ANKFY1: variants seen among roughly 807,000 people sequenced by gnomAD.
ANKFY1 encodes ankyrin repeat and FYVE domain-containing protein 1.
A neutral mutation model predicts 128.3 loss-of-function variants in ANKFY1; 47 were observed. The observed-to-expected ratio is 0.37, with a 90% CI of 0.29 to 0.47. The LOEUF (loss-of-function observed/expected upper bound fraction) is 0.47. ANKFY1 is among the 20% of genes least tolerant of loss of function. The pLI is 1.00. For missense variants in ANKFY1, 1,222 were observed against 1,510.6 expected (o/e 0.81, Z 3.17); for synonymous variants, 553 against 601.6 (o/e 0.92, Z 1.18).
Position 4,195,487 on chromosome 17 carries a change from GAA to G in ANKFY1, c.1104-18_1104-17del, listed in dbSNP as rs760010366. 2.2e-5 allele frequency: 35 copies of G among 1,612,258 alleles called. No homozygotes were observed. The highest frequency in any genetic ancestry group is 2.5e-5 in the Non-Finnish European group (30 of 1,178,486). On this transcript the variant is annotated splice_polypyrimidine_tract_variant and intron_variant, in intron 8 of 24. Coordinates refer to ENST00000341657, the MANE Select transcript of ANKFY1 (RefSeq NM_001330063.2). ...TAAAGGAGTCCTGCGGGATCCAAAA[GAA>G]GAGGGGTCAGTTCAGGACAGGCCTG...
chr17:4,242,018 A>G (rs1361408889), intron 2 of ANKFY1, among the ~76,000 whole-genome samples: 1 of 151,582 alleles, frequency 6.6e-6, no homozygotes, highest in Non-Finnish European at 1.5e-5. Flanking sequence ...GAACCTGGGA[A>G]GCAGAGGCTG....
At chr17:4,177,445 A>G in intron 18 of ANKFY1, 143 bp from the exon 19 acceptor site, 1 of 679,226 alleles carries the variant, frequency 1.5e-6, no homozygotes, top group South Asian at 2.9e-5. Flanking sequence ...AAGAATGAAC[A>G]TGAAACGCCA....
intron 2 of ANKFY1, 71 bp downstream of exon 2, chr17:4,242,179 AGAAAGT>A: frequency 7.4e-7 from 1 of 1,357,928 alleles, no homozygotes; most frequent in Non-Finnish European, 9.7e-7. Flanking sequence ...AAATTTTGGA[AGAAAGT>A]GAATGAGAAA....
intron 20 of ANKFY1, 97 bp downstream of exon 20, chr17:4,173,812 C>T (rs1182169176): frequency 6.8e-7 from 1 of 1,474,464 alleles, no homozygotes; most frequent in East Asian, 2.3e-5. Flanking sequence ...CTGTAAAAGC[C>T]AACCTCCCCA....
chr17:4,172,129 G>A (rs1047568867), intron 22 of ANKFY1, among the ~76,000 whole-genome samples: 3 of 152,114 alleles, frequency 2.0e-5, no homozygotes, highest in Admixed American at 1.3e-4. Context: ...GCATAAGAAG[G>A]CACCCCGTGT....
intron 1 of ANKFY1, among the ~76,000 whole-genome samples, chr17:4,244,355 A>C (rs1193178705): frequency 3.3e-5 from 5 of 152,336 alleles, no homozygotes; most frequent in Non-Finnish European, 5.9e-5. Flanking sequence ...AAAGCAAGTT[A>C]ATGGAAAAGG....
At chr17:4,173,626 G>T (rs189321901) in intron 20 of ANKFY1, among the ~76,000 whole-genome samples, 182 bp from the exon 21 acceptor site, 45 of 152,356 alleles carry the variant, frequency 3.0e-4, no homozygotes, top group African/African-American at 1.1e-3. Flanking sequence ...GCAATCTCAT[G>T]ATTGCTCTGT....
chr17:4,182,319 C>T lies in ANKFY1; in HGVS notation c.1983G>A (p.Leu661=). 1 of 1,589,598 alleles carries T rather than the reference C, an allele frequency of 6.3e-7. No homozygotes were observed. The highest frequency in any genetic ancestry group is 8.6e-7 in the Non-Finnish European group (1 of 1,166,626). ...CGAGTGGAAGCTGGTTTCTGATGGC[C>T]AGCTGGAGGGCTGTCTCCCCGTCCT... ...RTQDGETALQ[L]AIRNQLPLVV... is the part of the protein sequence containing the mutation. Residue 661 remains leucine (L), a synonymous_variant, in exon 15 of 25, where the codon CTG becomes CTA. Coordinates refer to ENST00000341657, the MANE Select transcript of ANKFY1 (RefSeq NM_001330063.2).
At chr17:4,258,361 C>T (rs538856412) in intron 1 of ANKFY1, among the ~76,000 whole-genome samples, 99 of 151,854 alleles carry the variant, frequency 6.5e-4, no homozygotes, top group Non-Finnish European at 1.3e-3. Flanking sequence ...TCATCTCTAC[C>T]AAAAATACAA....
intron 7 of ANKFY1, 123 bp from the exon 8 acceptor site, chr17:4,197,700 C>A (rs1304088926): frequency 4.8e-6 from 4 of 836,428 alleles, no homozygotes; most frequent in South Asian, 1.6e-5. Context: ...TCTGAAGGAA[C>A]CTCTTGGGGC....
intron 3 of ANKFY1, among the ~76,000 whole-genome samples, chr17:4,219,210 G>C (rs2060269445): frequency 6.6e-6 from 1 of 152,200 alleles, no homozygotes; most frequent in African/African-American, 2.4e-5. Flanking sequence ...GAGAATCATA[G>C]TATAAAATAT....
intron 3 of ANKFY1, chr17:4,223,489 T>A (rs1444062654): frequency 8.7e-7 from 1 of 1,146,724 alleles, no homozygotes; most frequent in East Asian, 2.3e-5. Flanking sequence ...TCTCATGGAC[T>A]ATCACTGTCT....
chr17:4,170,091 T>G (rs2059287539), intron 23 of ANKFY1, among the ~76,000 whole-genome samples: 1 of 152,158 alleles, frequency 6.6e-6, no homozygotes, highest in Non-Finnish European at 1.5e-5. Flanking sequence ...ATGCTGTCCT[T>G]CAACCCGACT....
In ANKFY1 at chr17:4,263,471, CCACCCCACCT is replaced by C. The variant is rs1968530986; in HGVS notation, c.10+451_10+460del. 4 of 865,542 alleles carry C rather than the reference CCACCCCACCT, an allele frequency of 4.6e-6. No homozygotes were observed. In the Admixed American group the frequency reaches 1.0e-4, roughly 22 times the overall value. 53.6% of individuals were successfully genotyped at this position (865,542 alleles called of 1,614,324 possible). A position where few individuals can be genotyped will look rare whatever the true frequency, so the allele number is the denominator to read the frequency against. ...AGCTCGCTGCTGCCTCGCCCCCACC[CCACCCCACCT>C]CACCCCAACCCAGCCCGAGGAGACC... On this transcript the variant is annotated intron_variant, in intron 1 of 24. Transcript: ENST00000341657.
At chr17:4,234,144 A>T (rs1347383713) in intron 3 of ANKFY1, among the ~76,000 whole-genome samples, 2 of 152,190 alleles carry the variant, frequency 1.3e-5, no homozygotes, top group African/African-American at 4.8e-5. Context: ...CCTAGAAGCA[A>T]CATACTATAC....
intron 19 of ANKFY1, among the ~76,000 whole-genome samples, chr17:4,175,409 C>A (rs2059395448): frequency 6.6e-6 from 1 of 152,062 alleles, no homozygotes. Flanking sequence ...CCGGAGGGAC[C>A]TTTACATAAT....
chr17:4,167,637 C>G lies in ANKFY1; in HGVS notation c.*142G>C, dbSNP rs139901984. 2 of 751,622 alleles carry G rather than the reference C, an allele frequency of 2.7e-6. No homozygotes were observed. The highest frequency in any genetic ancestry group is 3.5e-5 in the African/African-American group (2 of 56,924). 46.6% of individuals were successfully genotyped at this position (751,622 alleles called of 1,614,324 possible). ...TGGAATCATTTGAAATGGGATCTATCACACCATGGTCCTTAATCGTTCCAG... is the reference window on the plus strand; with the variant it reads ...TGGAATCATTTGAAATGGGATCTATGACACCATGGTCCTTAATCGTTCCAG... On this transcript the variant is annotated 3_prime_UTR_variant, in exon 25 of 25. Coordinates refer to ENST00000341657, the MANE Select transcript of ANKFY1 (RefSeq NM_001330063.2). This position sits in a 1 kb window ranked among gnomAD's most constrained non-coding sequence, Gnocchi z 4.1.
chr17:4,189,945 C>T (rs1431906561), intron 10 of ANKFY1, among the ~76,000 whole-genome samples: 1 of 152,198 alleles, frequency 6.6e-6, no homozygotes, highest in Non-Finnish European at 1.5e-5. Context: ...CTGGAACATC[C>T]AATTCCTCCC....
intron 1 of ANKFY1, among the ~76,000 whole-genome samples, chr17:4,251,545 A>C (rs1234335443): frequency 3.3e-5 from 5 of 151,348 alleles, no homozygotes; most frequent in Non-Finnish European, 5.9e-5. Context: ...TAAAAAAAAA[A>C]AAAACAAAAA....
Sources: allele counts gnomAD v4.1 joint callset (sites outside exome capture counted in the v4.1 genomes callset), GRCh38; gene constraint gnomAD v4.1.1; non-coding constraint Gnocchi (gnomAD v3.1); transcripts MANE v1.5; gene names NCBI Gene and HGNC (gene_info 2026-07-23, HGNC 2026-07-21).